The following DIP2B variants were observed in gnomAD, a reference collection of about 807,000 sequenced individuals.
DIP2B encodes the protein disco-interacting protein 2 homolog B.
In DIP2B, 76 loss-of-function variants were observed where a neutral mutation model predicts 198.0. That is an observed-to-expected ratio of 0.38 (90% CI 0.32 to 0.46). DIP2B has a LOEUF of 0.46. DIP2B is among the 20% of genes least tolerant of loss of function. The pLI is 0.99. For synonymous variants in DIP2B, 701 were observed against 739.1 expected (o/e 0.95, Z 0.84); for missense variants, 1,559 against 1,978.4 (o/e 0.79, Z 4.02).
At chr12:50,697,311 C>T (rs1274944827) in intron 17 of DIP2B, 136 bp downstream of exon 17, 4 of 735,508 alleles carry the variant, frequency 5.4e-6, no homozygotes, top group East Asian at 2.9e-5. Flanking sequence ...CCCACTCTTG[C>T]TCAAAGTGTA....
At chr12:50,709,839 G>A (rs1179009874) in intron 22 of DIP2B, among the ~76,000 whole-genome samples, 2 of 151,976 alleles carry the variant, frequency 1.3e-5, no homozygotes, top group Admixed American at 6.6e-5. Flanking sequence ...TGAGCCAGGT[G>A]CTGTGACAGG....
intron 28 of DIP2B, among the ~76,000 whole-genome samples, chr12:50,726,890 A>G (rs1440930173): frequency 3.3e-5 from 5 of 152,092 alleles, no homozygotes; most frequent in Non-Finnish European, 7.4e-5. Context: ...AGGCAGGAGG[A>G]TCACTTGGGC....
intron 1 of DIP2B, among the ~76,000 whole-genome samples, chr12:50,578,461 C>T (rs1958683040): frequency 6.6e-6 from 1 of 151,620 alleles, no homozygotes; most frequent in Non-Finnish European, 1.5e-5. Context: ...CCACGCCTGG[C>T]CCTAAACAAT....
intron 20 of DIP2B, among the ~76,000 whole-genome samples, chr12:50,706,233 G>A (rs1276320607): frequency 2.6e-5 from 4 of 152,056 alleles, no homozygotes; most frequent in Admixed American, 1.3e-4. Context: ...ATCATGGCTG[G>A]GAAAATCAGC....
At chr12:50,705,492 G>T (rs1199972571) in intron 20 of DIP2B, among the ~76,000 whole-genome samples, 1 of 152,248 alleles carries the variant, frequency 6.6e-6, no homozygotes, top group African/African-American at 2.4e-5. Context: ...TTTAAAGGAA[G>T]ATTCCTTGAA....
intron 12 of DIP2B, among the ~76,000 whole-genome samples, chr12:50,688,680 TA>T (rs922281147): frequency 2.6e-5 from 4 of 151,968 alleles, no homozygotes; most frequent in African/African-American, 4.8e-5. Flanking sequence ...AATAAGCAAT[TA>T]AAAATACCAA....
At chr12:50,721,876 G>A (rs901703483) in intron 26 of DIP2B, among the ~76,000 whole-genome samples, 1 of 152,016 alleles carries the variant, frequency 6.6e-6, no homozygotes. Context: ...AAAGAATGGA[G>A]AAAGGAGAGG....
At chr12:50,706,770 A>G in intron 21 of DIP2B, 105 bp downstream of exon 21, 1 of 1,374,286 alleles carries the variant, frequency 7.3e-7, no homozygotes, top group Non-Finnish European at 9.8e-7. Flanking sequence ...CCAAGTGATC[A>G]GATTGTTTTT....
intron 1 of DIP2B, among the ~76,000 whole-genome samples, chr12:50,550,099 TA>T (rs1593601033): frequency 6.6e-6 from 1 of 152,204 alleles, no homozygotes; most frequent in South Asian, 2.1e-4. Context: ...TGCCCTGTGT[TA>T]GTGCCTTGTC....
intron 1 of DIP2B, among the ~76,000 whole-genome samples, chr12:50,567,227 C>T (rs981698257): frequency 1.2e-4 from 19 of 152,210 alleles, no homozygotes; most frequent in Admixed American, 1.0e-3. Flanking sequence ...AACCCTTTTC[C>T]CAGCCTCTCC....
intron 1 of DIP2B, among the ~76,000 whole-genome samples, chr12:50,588,136 C>CT (rs11447445): frequency 0.28 from 41,592 of 149,108 alleles, 5,924 homozygotes; most frequent in East Asian, 0.39. Context: ...TACTTCTTTT[C>CT]TTTTTTTTTT....
At chr12:50,554,544 A>G (rs1958452901) in intron 1 of DIP2B, among the ~76,000 whole-genome samples, 2 of 152,104 alleles carry the variant, frequency 1.3e-5, no homozygotes, top group Admixed American at 1.3e-4. Flanking sequence ...CACCTTGAAT[A>G]GGTTGTTCCT....
At chr12:50,554,242 T>C (rs578061112) in intron 1 of DIP2B, among the ~76,000 whole-genome samples, 7 of 152,298 alleles carry the variant, frequency 4.6e-5, no homozygotes, top group Non-Finnish European at 7.4e-5. Context: ...CCACCTTAGC[T>C]ACCCACCCAT....
At chr12:50,624,749 A>G (rs1246043151) in intron 1 of DIP2B, among the ~76,000 whole-genome samples, 1 of 152,204 alleles carries the variant, frequency 6.6e-6, no homozygotes, top group East Asian at 1.9e-4. Flanking sequence ...AGATCTCTGT[A>G]GTAGCACTGG....
chr12:50,655,494 T>C lies in DIP2B; in HGVS notation c.302-4700T>C, dbSNP rs538668629. Among the ~76,000 whole-genome samples the C allele has an allele frequency of 7.6e-4, 115 of 152,288 alleles. 1 individual carries two copies. The highest frequency in any genetic ancestry group is 2.5e-3 in the African/African-American group (102 of 41,562). On this transcript the variant is annotated intron_variant, in intron 3 of 37. Transcript: ENST00000301180. Reference sequence around the variant, plus strand: ...AATCAGCAAGATTGGGAAAGACTTATAGAATATAAACAAAAAAATGAACCT... The same window carrying C: ...AATCAGCAAGATTGGGAAAGACTTACAGAATATAAACAAAAAAATGAACCT...
At chr12:50,742,415 A>AAAAAAAAAAC (rs1940265780) in intron 37 of DIP2B, among the ~76,000 whole-genome samples, 2 of 82,240 alleles carry the variant, frequency 2.4e-5, no homozygotes, top group Non-Finnish European at 6.8e-5. Context: ...AAAAAAAAAA[A>AAAAAAAAAAC]AAAAAAACCA....
intron 3 of DIP2B, among the ~76,000 whole-genome samples, chr12:50,650,346 C>G (rs555203236): frequency 1.3e-5 from 2 of 152,272 alleles, no homozygotes; most frequent in South Asian, 4.1e-4. Flanking sequence ...ATAAATTTAT[C>G]CTTTTGACAG....
chr12:50,663,387 C>G (rs1938687987), intron 4 of DIP2B, among the ~76,000 whole-genome samples: 2 of 151,306 alleles, frequency 1.3e-5, no homozygotes, highest in Admixed American at 6.6e-5. Context: ...TGAACCCCGT[C>G]TCTACTAAAA....
In DIP2B at chr12:50,721,153, C is replaced by G. The variant is rs915640105; in HGVS notation, c.3043-120C>G. 7.1e-6 allele frequency: 10 copies of G among 1,407,314 alleles called. No homozygotes were observed. In the African/African-American group the frequency reaches 1.4e-4, roughly 20 times the overall value. The allele number at this position is 1,407,314 out of a possible 1,614,324, so 87.2% of individuals were successfully genotyped here. Reference sequence around the variant, plus strand: ...AGGGAATTTTCACTAGAATTGATAACTTGCTAAGGATAATCTACAAAAGCA... The same window carrying G: ...AGGGAATTTTCACTAGAATTGATAAGTTGCTAAGGATAATCTACAAAAGCA... On this transcript the variant is annotated intron_variant, in intron 25 of 37. Transcript: ENST00000301180.
Sources: allele counts gnomAD v4.1 joint callset (sites outside exome capture counted in the v4.1 genomes callset), GRCh38; gene constraint gnomAD v4.1.1; transcripts MANE v1.5; gene names NCBI Gene and HGNC (gene_info 2026-07-23, HGNC 2026-07-21).